TMEM178B: variants seen among roughly 807,000 people sequenced by gnomAD.
The protein encoded by TMEM178B is transmembrane protein 178B.
Under a neutral mutation model 31.0 loss-of-function variants are expected in TMEM178B, and 5 were observed. The ratio of observed to expected loss-of-function variants is 0.16; its 90% CI spans 0.08 to 0.34. The LOEUF (loss-of-function observed/expected upper bound fraction) is 0.34. TMEM178B is among the 10% of genes least tolerant of loss of function. TMEM178B has a pLI of 1.00. For synonymous variants in TMEM178B, 164 were observed against 164.0 expected (o/e 1.00, Z 0.00); for missense variants, 275 against 400.3 (o/e 0.69, Z 2.67).
At chr7:141,300,665 C>T (rs1297472651) in intron 2 of TMEM178B, among the ~76,000 whole-genome samples, 1 of 152,104 alleles carries the variant, frequency 6.6e-6, no homozygotes, top group Non-Finnish European at 1.5e-5. Context: ...TAAGTAACAA[C>T]CTGGAGAGTG....
intron 1 of TMEM178B, among the ~76,000 whole-genome samples, chr7:141,096,376 C>A (rs530521500): frequency 2.0e-5 from 3 of 152,120 alleles, no homozygotes; most frequent in Non-Finnish European, 4.4e-5. Flanking sequence ...TAAAATAATT[C>A]TGTGTGATTG....
chr7:141,163,852 A>G (rs1015023446), intron 1 of TMEM178B, among the ~76,000 whole-genome samples: 4 of 152,174 alleles, frequency 2.6e-5, no homozygotes, highest in Non-Finnish European at 5.9e-5. Flanking sequence ...TGAAGAATGC[A>G]AAGGTATAGA....
chr7:141,155,734 C>T (rs1796058701), intron 1 of TMEM178B, among the ~76,000 whole-genome samples: 1 of 152,132 alleles, frequency 6.6e-6, no homozygotes, highest in Non-Finnish European at 1.5e-5. Flanking sequence ...TCAATCTCTG[C>T]CCAGACTTGG....
intron 3 of TMEM178B, among the ~76,000 whole-genome samples, chr7:141,445,746 T>C (rs761308900): frequency 1.5e-4 from 23 of 152,320 alleles, no homozygotes; most frequent in Non-Finnish European, 2.5e-4. Flanking sequence ...CTAAGTGAAG[T>C]CCATTTTAAT....
intron 2 of TMEM178B, among the ~76,000 whole-genome samples, chr7:141,248,282 G>A (rs1209694673): frequency 6.6e-6 from 1 of 152,120 alleles, no homozygotes; most frequent in Non-Finnish European, 1.5e-5. Context: ...GTGGTGGCAG[G>A]CGCCTGTAAT....
intron 2 of TMEM178B, among the ~76,000 whole-genome samples, chr7:141,266,812 G>A (rs767291479): frequency 1.7e-4 from 26 of 152,322 alleles, no homozygotes; most frequent in Non-Finnish European, 3.5e-4. Context: ...TTACTCACAT[G>A]GGAAACTTAT....
At chr7:141,402,506 G>T (rs1452558620) in intron 2 of TMEM178B, among the ~76,000 whole-genome samples, 1 of 152,200 alleles carries the variant, frequency 6.6e-6, no homozygotes, top group Non-Finnish European at 1.5e-5. Flanking sequence ...TGTGCAGCTG[G>T]TATACCTCAG....
chr7:141,280,826 GAC>G (rs2116397938), intron 2 of TMEM178B, among the ~76,000 whole-genome samples: 1 of 152,300 alleles, frequency 6.6e-6, no homozygotes, highest in East Asian at 1.9e-4. Context: ...TCGGGGGAAT[GAC>G]ACAGGTGGCC....
At chr7:141,216,448 TGCGCGCGCGCGCGC>T (rs143135337) in intron 2 of TMEM178B, among the ~76,000 whole-genome samples, 40,776 of 135,372 alleles carry the variant, frequency 0.3, 8,395 homozygotes, top group Non-Finnish European at 0.41. Flanking sequence ...TGTGTGTGTG[TGCGCGCGCGCGCGC>T]GTGTGTGTGT....
At chr7:141,409,904 C>G (rs1486000286) in intron 2 of TMEM178B, among the ~76,000 whole-genome samples, 1 of 152,108 alleles carries the variant, frequency 6.6e-6, no homozygotes, top group Non-Finnish European at 1.5e-5. Flanking sequence ...CAAACTCACC[C>G]TTTCTTCCTT....
In TMEM178B at chr7:141,171,638, A is replaced by G. The variant is rs1169821848; in HGVS notation, c.383-40953A>G. ...CATGACACTGTCTTCTGAGTGATGCATGCAAATTCCAGACAGAGGGGATGG... is the reference window on the plus strand; with the variant it reads ...CATGACACTGTCTTCTGAGTGATGCGTGCAAATTCCAGACAGAGGGGATGG... On this transcript the variant is annotated intron_variant, in intron 1 of 3. Transcript: ENST00000565468. The surrounding 1 kb of genome is among the most constrained non-coding windows in gnomAD (Gnocchi z 4.3). 6.6e-6 allele frequency among the ~76,000 whole-genome samples: 1 copy of G among 152,192 alleles called. No individual in the cohort carries two copies. The highest frequency in any genetic ancestry group is 2.4e-5 in the African/African-American group (1 of 41,446).
At chr7:141,179,708 C>T (rs1039158350) in intron 1 of TMEM178B, among the ~76,000 whole-genome samples, 10 of 152,124 alleles carry the variant, frequency 6.6e-5, no homozygotes, top group Admixed American at 3.9e-4. Context: ...GAGGGGAAAG[C>T]CTTTCTAATG....
Position 141,256,724 on chromosome 7 carries a change from G to A in TMEM178B, c.496+44020G>A, listed in dbSNP as rs187422577. On this transcript the variant is annotated intron_variant, in intron 2 of 3. Transcript: ENST00000565468. ...ATGGAAGGAAGGGGACCAGTTGGGAGGATATTGTACTTAGCCTGGTGAGAG... is the reference window on the plus strand; with the variant it reads ...ATGGAAGGAAGGGGACCAGTTGGGAAGATATTGTACTTAGCCTGGTGAGAG... 2.0e-3 allele frequency among the ~76,000 whole-genome samples: 309 copies of A among 152,276 alleles called. 3 individuals are homozygous for A. Among genetic ancestry groups the A allele is most frequent in the African/African-American group, 7.0e-3 (289 of 41,558 alleles).
chr7:141,399,146 C>T (rs913640556), intron 2 of TMEM178B, among the ~76,000 whole-genome samples: 3 of 152,186 alleles, frequency 2.0e-5, no homozygotes, highest in Non-Finnish European at 4.4e-5. Flanking sequence ...TCCTGACTTC[C>T]CTCCCATTTT....
At chr7:141,354,847 C>G (rs1329944698) in intron 2 of TMEM178B, among the ~76,000 whole-genome samples, 1 of 152,240 alleles carries the variant, frequency 6.6e-6, no homozygotes, top group Non-Finnish European at 1.5e-5. Flanking sequence ...TTCCTTTCAT[C>G]TCCTCAGGAC....
intron 1 of TMEM178B, among the ~76,000 whole-genome samples, chr7:141,085,725 A>G (rs571199167): frequency 6.6e-5 from 10 of 152,110 alleles, no homozygotes; most frequent in Middle Eastern, 3.4e-3. Flanking sequence ...TGGAGTATTC[A>G]CAGGCCTGGA....
chr7:141,176,674 G>A (rs911156302), intron 1 of TMEM178B, among the ~76,000 whole-genome samples: 1 of 152,070 alleles, frequency 6.6e-6, no homozygotes, highest in Admixed American at 6.5e-5. Context: ...ATTTCTTCCT[G>A]GTTTAGTCTT....
chr7:141,418,576 T>C (rs895631019), intron 2 of TMEM178B, among the ~76,000 whole-genome samples: 72 of 152,174 alleles, frequency 4.7e-4, no homozygotes, highest in African/African-American at 1.6e-3. Flanking sequence ...GTGACCCTTA[T>C]GCTAGGTTTG....
chr7:141,466,233 A>T (rs1802145978), intron 3 of TMEM178B, among the ~76,000 whole-genome samples: 2 of 152,218 alleles, frequency 1.3e-5, no homozygotes, highest in South Asian at 4.1e-4. Context: ...GAGCTAACAG[A>T]AGGAATTTCA....
Sources: gnomAD v4.1 joint callset for allele counts (sites outside exome capture counted in the v4.1 genomes callset) on GRCh38, gnomAD v4.1.1 for gene constraint, Gnocchi (gnomAD v3.1) non-coding constraint, MANE v1.5 for transcripts, NCBI Gene and HGNC (gene_info 2026-07-23, HGNC 2026-07-21) for gene names.